The following VCF1 variants were observed in gnomAD, a reference collection of about 807,000 sequenced individuals.
The protein encoded by VCF1 is VCP nuclear cofactor family member 1.
chr17:73,232,233 G>C, the VCF1 span: 2 of 1,611,468 alleles, frequency 1.2e-6, no homozygotes, highest in African/African-American at 2.7e-5. Context: ...TCGGGTGGAC[G>C]CAGCCGGTGG....
At chr17:73,232,313 G>A in the VCF1 span, 1,381 of 1,570,656 alleles carry the variant, frequency 8.8e-4, no homozygotes, top group Non-Finnish European at 1.1e-3. Flanking sequence ...CCATGTCGCT[G>A]CCGCCGTGGT....
At chr17:73,223,223 A>G in the VCF1 span, among the ~76,000 whole-genome samples, 8 of 152,196 alleles carry the variant, frequency 5.3e-5, no homozygotes, top group Non-Finnish European at 7.3e-5. Flanking sequence ...AGGCTGAGGC[A>G]GGATAATCGC....
the VCF1 span, among the ~76,000 whole-genome samples, chr17:73,224,496 A>AC: frequency 6.6e-6 from 1 of 152,134 alleles, no homozygotes; most frequent in Non-Finnish European, 1.5e-5. Flanking sequence ...AAGGAAACTG[A>AC]CCTCATGGCC....
chr17:73,214,278 G>A, the VCF1 span, among the ~76,000 whole-genome samples: 1 of 149,056 alleles, frequency 6.7e-6, no homozygotes, highest in South Asian at 2.1e-4. Context: ...CAAATTGAGA[G>A]TGAAACCAGC....
At chr17:73,213,545 C>G in the VCF1 span, among the ~76,000 whole-genome samples, 33 of 152,246 alleles carry the variant, frequency 2.2e-4, no homozygotes, top group African/African-American at 7.5e-4. Context: ...CAAAAACAAT[C>G]TGGAAGGATA....
the VCF1 span, among the ~76,000 whole-genome samples, chr17:73,228,591 T>C: frequency 6.6e-6 from 1 of 152,186 alleles, no homozygotes; most frequent in African/African-American, 2.4e-5. Context: ...CACTGGGCTA[T>C]GTAATTTACT....
the VCF1 span, chr17:73,229,154 A>G: frequency 6.1e-6 from 6 of 985,300 alleles, no homozygotes; most frequent in Non-Finnish European, 7.2e-6. Context: ...AAATTACTTG[A>G]TCTCTCAAGG....
chr17:73,208,396 A>G, the VCF1 span: 2 of 1,614,136 alleles, frequency 1.2e-6, no homozygotes, highest in African/African-American at 2.7e-5. Context: ...GAAGAAGACA[A>G]CACGTCTGCA....
the VCF1 span, among the ~76,000 whole-genome samples, chr17:73,225,369 T>A: frequency 6.6e-6 from 1 of 151,540 alleles, no homozygotes; most frequent in Non-Finnish European, 1.5e-5. Flanking sequence ...AATAAATAAA[T>A]AAAATTTAAA....
At chr17:73,216,296 A>C in the VCF1 span, among the ~76,000 whole-genome samples, 2 of 152,210 alleles carry the variant, frequency 1.3e-5, no homozygotes, top group Non-Finnish European at 2.9e-5. Flanking sequence ...AGGGTACTCG[A>C]GCATCAGGAC....
chr17:73,229,142 A>C, the VCF1 span: 1 of 985,314 alleles, frequency 1.0e-6, no homozygotes, highest in East Asian at 1.1e-4. Context: ...TCCCTGCCTC[A>C]TAAATTACTT....
chr17:73,232,163 G>A, the VCF1 span: 1,435 of 1,610,232 alleles, frequency 8.9e-4, 17 homozygotes, highest in East Asian at 0.022. Flanking sequence ...AGGGAACAGA[G>A]GGGGTTGTGT....
chr17:73,229,169 A>G, the VCF1 span: 51 of 985,374 alleles, frequency 5.2e-5, no homozygotes, highest in Non-Finnish European at 6.0e-5. Context: ...TCAAGGCACC[A>G]GAATAATCTC....
chr17:73,227,146 A>G, the VCF1 span: 2 of 1,528,790 alleles, frequency 1.3e-6, no homozygotes, highest in South Asian at 1.2e-5. Flanking sequence ...ACAACAGACT[A>G]TGTGACCACA....
chr17:73,225,221 G>A, the VCF1 span, among the ~76,000 whole-genome samples: 1 of 152,132 alleles, frequency 6.6e-6, no homozygotes, highest in Non-Finnish European at 1.5e-5. Flanking sequence ...CTCAACAACT[G>A]AATTTCTTTG....
the VCF1 span, among the ~76,000 whole-genome samples, chr17:73,225,898 T>TA: frequency 2.8e-5 from 2 of 71,364 alleles, no homozygotes; most frequent in East Asian, 3.7e-4. Flanking sequence ...TATATATATA[T>TA]ATTTTTTTTT....
At chr17:73,215,661 C>T in the VCF1 span, among the ~76,000 whole-genome samples, 1 of 152,218 alleles carries the variant, frequency 6.6e-6, no homozygotes, top group Non-Finnish European at 1.5e-5. Flanking sequence ...TCACATCCAA[C>T]CACTGGGCAA....
chr17:73,212,359 C>T, the VCF1 span, among the ~76,000 whole-genome samples: 1 of 151,994 alleles, frequency 6.6e-6, no homozygotes, highest in African/African-American at 2.4e-5. Context: ...GTGATGGTGC[C>T]GAGGCCATTG....
At chr17:73,231,394 C>G in the VCF1 span, among the ~76,000 whole-genome samples, 1 of 152,116 alleles carries the variant, frequency 6.6e-6, no homozygotes, top group Non-Finnish European at 1.5e-5. Context: ...AAGCACAGAA[C>G]CCCTAATTTA....
Sources: allele counts gnomAD v4.1 joint callset (sites outside exome capture counted in the v4.1 genomes callset), GRCh38; gene constraint gnomAD v4.1.1; transcripts MANE v1.5; gene names NCBI Gene and HGNC (gene_info 2026-07-23, HGNC 2026-07-21).